Variants in MYZAP observed in about 807,000 individuals in gnomAD.
MYZAP encodes GRINL1A complex locus upstream.
A neutral mutation model predicts 69.4 loss-of-function variants in MYZAP; 66 were observed. That is an observed-to-expected ratio of 0.95 (90% CI 0.78 to 1.17). The LOEUF (loss-of-function observed/expected upper bound fraction) is 1.17, where lower values mean the gene tolerates loss of function less well. Among genes scored for constraint, MYZAP ranks in the 50% most tolerant of loss-of-function variants. MYZAP has a pLI of 0.00. For missense variants in MYZAP, 611 were observed against 556.2 expected (o/e 1.10, Z -0.99); for synonymous variants, 256 against 205.9 (o/e 1.24, Z -2.09).
At chr15:57,606,669 G>A (rs2034769653) in intron 2 of MYZAP, among the ~76,000 whole-genome samples, 1 of 151,914 alleles carries the variant, frequency 6.6e-6, no homozygotes, top group Non-Finnish European at 1.5e-5. Flanking sequence ...CATGGCACAT[G>A]TATACATATG....
chr15:57,629,921 T>C, intron 6 of MYZAP, 67 bp downstream of exon 6: 1 of 1,544,836 alleles, frequency 6.5e-7, no homozygotes. Flanking sequence ...CCTTTTCTCT[T>C]CCCATCTTCA....
chr15:57,624,768 A>G (rs959970366), intron 4 of MYZAP, among the ~76,000 whole-genome samples: 1 of 152,164 alleles, frequency 6.6e-6, no homozygotes. Context: ...TAAGATTGCT[A>G]AATTATTGCT....
chr15:57,676,483 C>A (rs1379153970), intron 12 of MYZAP, among the ~76,000 whole-genome samples: 3 of 145,612 alleles, frequency 2.1e-5, no homozygotes, highest in Non-Finnish European at 4.5e-5. Flanking sequence ...TATATAGACT[C>A]CGGATCTCAT....
intron 11 of MYZAP, among the ~76,000 whole-genome samples, chr15:57,666,902 T>A (rs1376737946): frequency 1.3e-5 from 2 of 152,210 alleles, no homozygotes; most frequent in African/African-American, 4.8e-5. Context: ...CAATTTTTTT[T>A]ATTAGCTCAA....
chr15:57,638,193 G>A (rs1490558168), intron 9 of MYZAP, among the ~76,000 whole-genome samples: 1 of 152,168 alleles, frequency 6.6e-6, no homozygotes, highest in Non-Finnish European at 1.5e-5. Flanking sequence ...CTGGCAGTGA[G>A]TATATAAAGC....
chr15:57,648,334 T>C (rs1350268052), intron 10 of MYZAP: 1 of 985,360 alleles, frequency 1.0e-6, no homozygotes, highest in Non-Finnish European at 1.2e-6. Flanking sequence ...CTATGTTCTC[T>C]TTATTGAAAT....
intron 5 of MYZAP, among the ~76,000 whole-genome samples, chr15:57,628,910 C>A (rs1415540771): frequency 6.6e-6 from 1 of 151,738 alleles, no homozygotes; most frequent in Non-Finnish European, 1.5e-5. Flanking sequence ...CGGTGAAACC[C>A]CATCTCCACT....
At chr15:57,624,731 A>G (rs1452914622) in intron 4 of MYZAP, among the ~76,000 whole-genome samples, 1 of 152,160 alleles carries the variant, frequency 6.6e-6, no homozygotes, top group Non-Finnish European at 1.5e-5. Flanking sequence ...CTCCTTCTCC[A>G]AGTCATCCTA....
Position 57,632,318 on chromosome 15 carries a change from G to C in MYZAP, c.679-116G>C. 2.0e-6 allele frequency: 3 copies of C among 1,520,214 alleles called. No individual in the cohort carries two copies. The South Asian group carries it at 3.9e-5, about 20-fold the overall frequency. The allele number at this position is 1,520,214 out of a possible 1,614,324, so 94.2% of individuals were successfully genotyped here. ...GGTCTTGCTGTGTCTCTCTGCTGCAGAACCCAGTGGATGGGCTCACTACCT... is the reference window on the plus strand; with the variant it reads ...GGTCTTGCTGTGTCTCTCTGCTGCACAACCCAGTGGATGGGCTCACTACCT... On this transcript the variant is annotated intron_variant, in intron 6 of 12. Coordinates refer to ENST00000267853, the MANE Select transcript of MYZAP (RefSeq NM_001018100.5).
At chr15:57,623,320 A>G (rs2035931955) in intron 4 of MYZAP, among the ~76,000 whole-genome samples, 2 of 152,212 alleles carry the variant, frequency 1.3e-5, no homozygotes, top group Non-Finnish European at 2.9e-5. Context: ...CAGCAATTCT[A>G]TTCCTAGCAT....
intron 11 of MYZAP, among the ~76,000 whole-genome samples, chr15:57,662,292 C>G (rs1268899375): frequency 1.3e-5 from 2 of 152,210 alleles, no homozygotes; most frequent in African/African-American, 4.8e-5. Context: ...TTGCCAAGCA[C>G]CTGTCCTTAT....
intron 10 of MYZAP, among the ~76,000 whole-genome samples, chr15:57,653,407 G>T (rs1247901901): frequency 6.6e-6 from 1 of 151,818 alleles, no homozygotes; most frequent in Non-Finnish European, 1.5e-5. Flanking sequence ...GCTCACTCAG[G>T]CTTCATTCAT....
At chr15:57,630,124 T>C (rs2036415074) in intron 6 of MYZAP, among the ~76,000 whole-genome samples, 2 of 152,010 alleles carry the variant, frequency 1.3e-5, no homozygotes, top group African/African-American at 4.8e-5. Context: ...ACGTGCCACC[T>C]TGCCCAGTAA....
At chr15:57,648,492 A>G (rs2037561916) in intron 10 of MYZAP, 4 of 984,848 alleles carry the variant, frequency 4.1e-6, no homozygotes, top group Admixed American at 1.2e-4. Context: ...TGGATGTCAC[A>G]TTCCCATGTC....
chr15:57,655,805 T>C (rs1292638292), intron 10 of MYZAP, among the ~76,000 whole-genome samples: 5 of 152,206 alleles, frequency 3.3e-5, no homozygotes, highest in Admixed American at 6.5e-5. Flanking sequence ...TTAACATCAG[T>C]TAAAAGGTCC....
rs528796784 is a variant in MYZAP, at chr15:57,623,163, G to A, written c.411+1463G>A. Among the ~76,000 whole-genome samples the A allele has an allele frequency of 1.2e-4, 18 of 152,290 alleles. No homozygotes were observed. The East Asian group carries it at 1.7e-3, about 15-fold the overall frequency. On this transcript the variant is annotated intron_variant, in intron 4 of 12. Transcript: ENST00000267853. Reference sequence around the variant, plus strand: ...GATATAATTTTTATCTATTAGACCCGCCAAAGTGCAAGAGTGGGTCAGGAC... The same window carrying A: ...GATATAATTTTTATCTATTAGACCCACCAAAGTGCAAGAGTGGGTCAGGAC...
chr15:57,600,100 A>T (rs1012946894), intron 1 of MYZAP, among the ~76,000 whole-genome samples: 8 of 152,218 alleles, frequency 5.3e-5, no homozygotes, highest in Non-Finnish European at 1.2e-4. Flanking sequence ...TATATTTAAA[A>T]AATTAAAATG....
At chr15:57,593,694 A>G (rs369824914) in intron 1 of MYZAP, among the ~76,000 whole-genome samples, 26 of 152,328 alleles carry the variant, frequency 1.7e-4, no homozygotes, top group African/African-American at 5.3e-4. Flanking sequence ...ATAAGATGGC[A>G]GACGTATTTT....
At chr15:57,627,328 A>G (rs1180615005) in intron 5 of MYZAP, among the ~76,000 whole-genome samples, 5 of 143,358 alleles carry the variant, frequency 3.5e-5, no homozygotes, top group African/African-American at 1.3e-4. Flanking sequence ...GGAGCCTTAT[A>G]GCTAAAACCG....
Sources: gnomAD v4.1 joint callset for allele counts (sites outside exome capture counted in the v4.1 genomes callset) on GRCh38, gnomAD v4.1.1 for gene constraint, MANE v1.5 for transcripts, NCBI Gene and HGNC (gene_info 2026-07-23, HGNC 2026-07-21) for gene names.